ZNF227: variants seen among roughly 807,000 people sequenced by gnomAD.
ZNF227 encodes zinc finger protein 227.
Under a neutral mutation model 13.2 loss-of-function variants are expected in ZNF227, and 12 were observed. The observed-to-expected ratio is 0.91, with a 90% CI of 0.58 to 1.47. ZNF227 has a LOEUF of 1.47. Ranked by LOEUF, ZNF227 falls within the 40% of genes most tolerant of loss-of-function variation. The pLI is 0.00. For synonymous variants in ZNF227, 338 were observed against 326.0 expected (o/e 1.04, Z -0.40); for missense variants, 885 against 967.5 (o/e 0.91, Z 1.13).
chr19:44,217,922 C>A lies in ZNF227; in HGVS notation c.60+70C>A, dbSNP rs1041166817. On this transcript the variant is annotated intron_variant, in intron 3 of 5. Coordinates refer to ENST00000313040, the MANE Select transcript of ZNF227 (RefSeq NM_182490.3). ...CTCAAAGATAACAGATTTATTTTTTCTCTTTCTTGGAAAGGTTAGTGGGAA... is the reference window on the plus strand; with the variant it reads ...CTCAAAGATAACAGATTTATTTTTTATCTTTCTTGGAAAGGTTAGTGGGAA... The A allele has an allele frequency of 5.7e-6, 9 of 1,570,876 alleles. No individual in the cohort carries two copies. The East Asian group carries it at 1.3e-4, about 23-fold the overall frequency.
At chr19:44,228,306 A>C in intron 3 of ZNF227, 140 bp from the exon 4 acceptor site, 1 of 942,060 alleles carries the variant, frequency 1.1e-6, no homozygotes, top group Non-Finnish European at 1.6e-6. Flanking sequence ...AGACAGGGAA[A>C]ACTGTAACAG....
rs768233607 is a variant in ZNF227, at chr19:44,236,656, A to T, written c.2226A>T (p.Lys742Asn). ...ACCTGGGTGTTCACACCAGGGAAAA[A>T]CTCTTTAAATGTGAAGAGTGTGGTA... ...RVHLGVHTRE[K>N]LFKCEECGKG... Residue 742 changes from lysine to asparagine, a missense_variant, in exon 6 of 6, where the codon AAA (lysine) becomes AAT (asparagine). By Grantham distance (94) the Lys-to-Asn change is moderately conservative (BLOSUM62 0). Transcript: ENST00000313040. 6.2e-6 allele frequency: 10 copies of T among 1,608,734 alleles called. No homozygotes were observed. The South Asian group carries it at 8.8e-5, about 14-fold the overall frequency.
intron 3 of ZNF227, chr19:44,226,994 G>A (rs192770375): frequency 3.9e-5 from 6 of 152,260 alleles, no homozygotes; most frequent in African/African-American, 1.4e-4. Context: ...CTCTGTAAAA[G>A]GATCTTTGTA....
In ZNF227 at chr19:44,236,715, A is replaced by G; in HGVS notation, c.2285A>G (p.His762Arg). The change falls in exon 6 of 6, where the codon CAT becomes CGT. Residue 762 changes from histidine to arginine, a missense_variant. His to Arg is a conservative substitution (Grantham distance 29). Transcript: ENST00000313040. Reference sequence around the variant, plus strand: ...AGTCAGAGTGCACGTCTTGAAGCCCATCAGAGAGTCCACACTGGAGAAAAA... The same window carrying G: ...AGTCAGAGTGCACGTCTTGAAGCCCGTCAGAGAGTCCACACTGGAGAAAAA... ...GFSQSARLEA[H>R]QRVHTGEKPY... The G allele has an allele frequency of 1.2e-6, 2 of 1,614,234 alleles. No homozygotes were observed. The highest frequency in any genetic ancestry group is 1.7e-6 in the Non-Finnish European group (2 of 1,180,022).
upstream of ZNF227, among the ~76,000 whole-genome samples, chr19:44,210,639 AAGAATT>A (rs1450069282): frequency 6.6e-6 from 1 of 152,202 alleles, no homozygotes; most frequent in African/African-American, 2.4e-5. Context: ...ACCAAATACA[AAGAATT>A]AGAGGCTTTT....
chr19:44,232,200 A>G (rs980271114), intron 5 of ZNF227, among the ~76,000 whole-genome samples: 3 of 152,226 alleles, frequency 2.0e-5, no homozygotes, highest in African/African-American at 7.2e-5. Flanking sequence ...ATTTGCATCC[A>G]CATGTATTAA....
At chr19:44,220,715 A>T (rs1972403724) in intron 3 of ZNF227, among the ~76,000 whole-genome samples, 1 of 152,020 alleles carries the variant, frequency 6.6e-6, no homozygotes, top group South Asian at 2.1e-4. Context: ...TGTGCAGGTT[A>T]GTTACATATG....
At chr19:44,233,574 A>G (rs1974083326) in intron 5 of ZNF227, among the ~76,000 whole-genome samples, 1 of 152,132 alleles carries the variant, frequency 6.6e-6, no homozygotes. Flanking sequence ...GGAAAAGTCA[A>G]GCAGGGTAAT....
At position 44,236,297 on chromosome 19, in the gene ZNF227, C is replaced by T; in HGVS notation, c.1867C>T (p.Gln623Ter). Residue 623 changes from glutamine to a stop codon, truncating the protein, a stop_gained, in exon 6 of 6, where the codon CAG (glutamine) becomes TAG (stop). Transcript: ENST00000313040. LOFTEE classifies it low-confidence loss of function (END_TRUNC). ...FSQAIDFRVHQRVHTGEKPYK... is the reference protein window; with the variant it reads ...FSQAIDFRVH ...TCAGGCCATAGATTTTCGGGTACAT[C>T]AGAGAGTCCATACTGGAGAGAAGCC... 9.9e-6 allele frequency: 16 copies of T among 1,613,780 alleles called. No homozygotes were observed. The highest frequency in any genetic ancestry group is 1.2e-5 in the Non-Finnish European group (14 of 1,179,920).
At position 44,236,730 on chromosome 19, in the gene ZNF227, C is replaced by T. The variant is rs758088206; in HGVS notation, c.2300C>T (p.Thr767Ile). 3 of 1,614,096 alleles carry T rather than the reference C, an allele frequency of 1.9e-6. No individual in the cohort carries two copies. The highest frequency in any genetic ancestry group is 2.2e-5 in the East Asian group (1 of 44,904). The change falls in exon 6 of 6, where the codon ACT becomes ATT. Residue 767 changes from threonine (T) to isoleucine (I), a missense_variant. By Grantham distance (89) the Thr-to-Ile change is moderately conservative. Coordinates refer to ENST00000313040, the MANE Select transcript of ZNF227 (RefSeq NM_182490.3). Reference protein sequence around the residue: ...ARLEAHQRVHTGEKPYKCDIC... With the variant: ...ARLEAHQRVHIGEKPYKCDIC... ...CTTGAAGCCCATCAGAGAGTCCACA[C>T]TGGAGAAAAACCATACAAATGTGAC...
At chr19:44,226,016 T>G (rs1009028942) in intron 3 of ZNF227, among the ~76,000 whole-genome samples, 3 of 152,170 alleles carry the variant, frequency 2.0e-5, no homozygotes, top group Non-Finnish European at 2.9e-5. Context: ...TGTTGGAGTT[T>G]GCTAGAGGTC....
In ZNF227 at chr19:44,234,772, G is replaced by A; in HGVS notation, c.342G>A (p.Leu114=). 6.2e-7 allele frequency: 1 copy of A among 1,613,302 alleles called. No individual in the cohort carries two copies. Residue 114 remains leucine, a synonymous_variant, in exon 6 of 6, where the codon CTG becomes CTA. Coordinates refer to ENST00000313040, the MANE Select transcript of ZNF227 (RefSeq NM_182490.3). ...TAAAATACCTTTCAAATCAAGAGCT[G>A]TCCTGCTGGCAAATCTGGAAACAGG... is the stretch of plus-strand genomic sequence containing the variant. ...FALKYLSNQE[L]SCWQIWKQVA...
In ZNF227 at chr19:44,235,760, G is replaced by A; in HGVS notation, c.1330G>A (p.Gly444Ser). Residue 444 changes from glycine to serine, a missense_variant, in exon 6 of 6, where the codon GGC becomes AGC. Transcript: ENST00000313040. ...CTACAAGTGTGATGTGTGTGGTAAGGGCTTCAGCCACAATTCACCATTAAT... is the reference window on the plus strand; with the variant it reads ...CTACAAGTGTGATGTGTGTGGTAAGAGCTTCAGCCACAATTCACCATTAAT... Reference protein sequence around the residue: ...KPYKCDVCGKGFSHNSPLICH... With the variant: ...KPYKCDVCGKSFSHNSPLICH... 3 of 1,613,888 alleles carry A rather than the reference G, an allele frequency of 1.9e-6. No individual in the cohort carries two copies. Among genetic ancestry groups the A allele is most frequent in the Non-Finnish European group, 2.5e-6 (3 of 1,179,978 alleles).
intron 3 of ZNF227, among the ~76,000 whole-genome samples, chr19:44,222,526 T>C (rs983879932): frequency 1.4e-3 from 217 of 151,518 alleles, no homozygotes; most frequent in African/African-American, 5.0e-3. Context: ...TTTGAAGCAA[T>C]TGTGAATGGG....
At chr19:44,229,074 C>CT (rs775688844) in intron 4 of ZNF227, 70 of 156,314 alleles carry the variant, frequency 4.5e-4, no homozygotes, top group Non-Finnish European at 7.3e-4. Context: ...ACTGTACTGG[C>CT]TTTTTTTTCA....
At chr19:44,230,751 G>A (rs1334315770) in intron 5 of ZNF227, among the ~76,000 whole-genome samples, 2 of 150,452 alleles carry the variant, frequency 1.3e-5, no homozygotes, top group African/African-American at 2.5e-5. Context: ...TCTTGAATTT[G>A]CATATTCCTC....
At chr19:44,215,848 C>A (rs140188398) in intron 2 of ZNF227, among the ~76,000 whole-genome samples, 1 of 151,744 alleles carries the variant, frequency 6.6e-6, no homozygotes, top group Non-Finnish European at 1.5e-5. Flanking sequence ...ATTAGCCAGA[C>A]GTGGTGGTGC....
rs762474646 is a variant in ZNF227 at position 44,236,662 on chromosome 19, T to TAAA, written c.2233_2235dup (p.Lys745dup). ...GTGTTCACACCAGGGAAAAACTCTT[T>TAAA]AAATGTGAAGAGTGTGGTAAAGGCT... is the stretch of plus-strand genomic sequence containing the variant. On this transcript the variant is annotated inframe_insertion, in exon 6 of 6. Transcript: ENST00000313040. 4 of 1,611,434 alleles carry TAAA rather than the reference T, an allele frequency of 2.5e-6. No homozygotes were observed. The African/African-American group carries it at 4.1e-5, about 16-fold the overall frequency.
chr19:44,224,175 A>T (rs1002914466), intron 3 of ZNF227, among the ~76,000 whole-genome samples: 37 of 152,036 alleles, frequency 2.4e-4, no homozygotes, highest in African/African-American at 7.7e-4. Flanking sequence ...TGCTGAGGAG[A>T]GCTTTACTTC....
Sources: gnomAD v4.1 joint callset for allele counts (sites outside exome capture counted in the v4.1 genomes callset) on GRCh38, gnomAD v4.1.1 for gene constraint, MANE v1.5 for transcripts, NCBI Gene and HGNC (gene_info 2026-07-23, HGNC 2026-07-21) for gene names.